Variants in SNX9 observed in about 807,000 individuals in gnomAD.
SNX9 encodes the protein sorting nexin 9.
A neutral mutation model predicts 89.4 loss-of-function variants in SNX9; 44 were observed. That is an observed-to-expected ratio of 0.49 (90% CI 0.39 to 0.63). The LOEUF (loss-of-function observed/expected upper bound fraction) is 0.63, where lower values mean the gene tolerates loss of function less well. Ranked by LOEUF, SNX9 falls within the 30% of genes least tolerant of loss-of-function variation. The pLI is 0.00. For synonymous variants in SNX9, 236 were observed against 247.8 expected, an observed-to-expected ratio of 0.95 and a Z score of 0.45; for missense variants, 578 against 736.1, an observed-to-expected ratio of 0.79 and a Z score of 2.49.
chr6:157,883,022 A>T (rs1184555128), intron 4 of SNX9, among the ~76,000 whole-genome samples: 1 of 152,150 alleles, frequency 6.6e-6, no homozygotes, highest in Non-Finnish European at 1.5e-5. Flanking sequence ...GTCAATTGAC[A>T]TGGCAGACTT....
chr6:157,881,221 A>G (rs1264192748), intron 4 of SNX9, among the ~76,000 whole-genome samples: 1 of 152,108 alleles, frequency 6.6e-6, no homozygotes, highest in African/African-American at 2.4e-5. Context: ...CATCATTATT[A>G]TATCTGTTTT....
chr6:157,867,598 G>A lies in SNX9; in HGVS notation c.64G>A (p.Val22Ile), dbSNP rs1379874565. The A allele has an allele frequency of 6.2e-7, 1 of 1,612,210 alleles. No homozygotes were observed. Among genetic ancestry groups the A allele is most frequent in the Admixed American group, 1.7e-5 (1 of 59,954 alleles). ...AAEPGNNELT[V>I]NEGEIITITN... ...TGAACCTGGAAATAATGAACTGACG[G>A]TTAATGAAGGAGAAATCATCACAAT... Residue 22 changes from valine (V) to isoleucine (I), a missense_variant, in exon 2 of 18, where the codon GTT (valine) becomes ATT (isoleucine). Physicochemically the swap from Val to Ile is conservative, Grantham distance 29. This residue lies in a region of SNX9 where 230 missense variants were observed against 244.7 expected (regional missense o/e 0.94). Coordinates refer to ENST00000392185, the MANE Select transcript of SNX9 (RefSeq NM_016224.5).
chr6:157,858,239 T>G (rs976049559), intron 1 of SNX9, among the ~76,000 whole-genome samples: 1 of 147,736 alleles, frequency 6.8e-6, no homozygotes. Context: ...TCTTTTTTCT[T>G]TTTCTTTTTT....
At chr6:157,825,262 G>T (rs1302627834) in intron 1 of SNX9, among the ~76,000 whole-genome samples, 2 of 151,984 alleles carry the variant, frequency 1.3e-5, no homozygotes, top group African/African-American at 4.8e-5. Flanking sequence ...AAGAAAAGAC[G>T]AGACTCCGTT....
chr6:157,865,340 G>GAAA (rs541824549), intron 1 of SNX9, among the ~76,000 whole-genome samples: 35 of 95,458 alleles, frequency 3.7e-4, no homozygotes, highest in African/African-American at 1.0e-3. Context: ...ACAGTCTCAG[G>GAAA]AAAAAAAAAA....
intron 10 of SNX9, among the ~76,000 whole-genome samples, chr6:157,922,627 A>G (rs1783605832): frequency 6.6e-6 from 1 of 152,210 alleles, no homozygotes; most frequent in South Asian, 2.1e-4. Context: ...CTTAACATAC[A>G]TATTTGGGCC....
intron 4 of SNX9, among the ~76,000 whole-genome samples, chr6:157,894,354 C>T (rs1782931160): frequency 6.6e-6 from 1 of 150,968 alleles, no homozygotes; most frequent in Admixed American, 6.6e-5. Flanking sequence ...AGGTGATCCT[C>T]CCGCCTCGGC....
chr6:157,924,014 A>G (rs149686062), intron 10 of SNX9, among the ~76,000 whole-genome samples: 3,874 of 152,230 alleles, frequency 0.025, 114 homozygotes, highest in African/African-American at 0.07. Context: ...CCAGGCCAAT[A>G]TGGCGAAACC....
chr6:157,828,320 A>G (rs1011450235), intron 1 of SNX9, among the ~76,000 whole-genome samples: 9 of 151,052 alleles, frequency 6.0e-5, no homozygotes, highest in African/African-American at 2.2e-4. Flanking sequence ...CAGTTTTTCT[A>G]CTGTGCCTTG....
chr6:157,883,490 A>G (rs922101043), intron 4 of SNX9, among the ~76,000 whole-genome samples: 2 of 152,244 alleles, frequency 1.3e-5, no homozygotes, highest in Admixed American at 1.3e-4. Context: ...GAGTTAGGCA[A>G]GCAGACGCTG....
intron 4 of SNX9, among the ~76,000 whole-genome samples, chr6:157,896,251 A>G (rs910326406): frequency 6.6e-6 from 1 of 152,206 alleles, no homozygotes; most frequent in Non-Finnish European, 1.5e-5. Context: ...CAAATTGCAT[A>G]TACTTTTATT....
chr6:157,915,640 A>AATATATATATATATATATATATATATAT (rs1411739606), intron 9 of SNX9, among the ~76,000 whole-genome samples: 1 of 95,146 alleles, frequency 1.1e-5, no homozygotes, highest in South Asian at 3.3e-4. Context: ...AAAAAAAAAA[A>AATATATATATATATATATATATATATAT]ATATATATAT....
In SNX9 at chr6:157,942,904, CT is replaced by C. The variant is rs554576645; in HGVS notation, c.*73del. ...TGACTTGGGGCAATGCAATTCAAAA[CT>C]TTTTTTCCCCTATTATTCAGAAAAA... is the stretch of plus-strand genomic sequence containing the variant. On this transcript the variant is annotated 3_prime_UTR_variant, in exon 18 of 18. Coordinates refer to ENST00000392185, the MANE Select transcript of SNX9 (RefSeq NM_016224.5). 56 of 1,482,736 alleles carry C rather than the reference CT, an allele frequency of 3.8e-5. No individual in the cohort carries two copies. Among genetic ancestry groups the C allele is most frequent in the African/African-American group, 2.6e-4 (18 of 70,110 alleles). 91.8% of individuals were successfully genotyped at this position (1,482,736 alleles called of 1,614,324 possible).
In SNX9 at chr6:157,942,065, G is replaced by A. The variant is rs536719882; in HGVS notation, c.1741-726G>A. ...GATTTTCAAGTCCAGGTATGGTATA[G>A]TGACATTGTAATTCAGAATAGAAAA... is the stretch of plus-strand genomic sequence containing the variant. On this transcript the variant is annotated intron_variant, in intron 17 of 17. Coordinates refer to ENST00000392185, the MANE Select transcript of SNX9 (RefSeq NM_016224.5). 4.6e-5 allele frequency among the ~76,000 whole-genome samples: 7 copies of A among 152,346 alleles called. No homozygotes were observed. The East Asian group carries it at 1.2e-3, about 25-fold the overall frequency.
intron 17 of SNX9, among the ~76,000 whole-genome samples, chr6:157,941,315 C>T (rs143406891): frequency 2.0e-5 from 3 of 152,190 alleles, no homozygotes; most frequent in Non-Finnish European, 4.4e-5. Context: ...GTCACCCAGC[C>T]GTCCCTGGGA....
chr6:157,917,587 A>G (rs953265428), intron 9 of SNX9, among the ~76,000 whole-genome samples: 2 of 152,120 alleles, frequency 1.3e-5, no homozygotes, highest in Admixed American at 1.3e-4. Flanking sequence ...ATCTATGGGA[A>G]TTGGTTCCAG....
At chr6:157,849,739 T>C (rs1329303278) in intron 1 of SNX9, among the ~76,000 whole-genome samples, 1 of 151,728 alleles carries the variant, frequency 6.6e-6, no homozygotes, top group East Asian at 1.9e-4. Context: ...TTTGGGTGAG[T>C]GGATAGGAGA....
At chr6:157,922,491 T>A (rs1169349224) in intron 10 of SNX9, among the ~76,000 whole-genome samples, 1 of 152,218 alleles carries the variant, frequency 6.6e-6, no homozygotes, top group Non-Finnish European at 1.5e-5. Context: ...TCATATACCC[T>A]CTTGGAACTT....
At chr6:157,892,189 A>C (rs1472043445) in intron 4 of SNX9, among the ~76,000 whole-genome samples, 1 of 152,198 alleles carries the variant, frequency 6.6e-6, no homozygotes, top group Non-Finnish European at 1.5e-5. Context: ...AATAGGTTTT[A>C]CCGTGACGAG....
Sources: gnomAD v4.1 joint callset for allele counts (sites outside exome capture counted in the v4.1 genomes callset) on GRCh38, gnomAD v4.1.1 for gene constraint, gnomAD v4.1.1 regional missense constraint, MANE v1.5 for transcripts, NCBI Gene and HGNC (gene_info 2026-07-23, HGNC 2026-07-21) for gene names.